Variants in ROBO2 observed in about 807,000 individuals in gnomAD.
ROBO2 encodes roundabout guidance receptor 2, also known as roundabout homolog 2.
A neutral mutation model predicts 160.8 loss-of-function variants in ROBO2; 53 were observed. The ratio of observed to expected loss-of-function variants is 0.33; its 90% CI spans 0.26 to 0.41. ROBO2 has a LOEUF of 0.41. Ranked by LOEUF, ROBO2 falls within the 10% of genes least tolerant of loss-of-function variation. The pLI is 1.00. For synonymous variants in ROBO2, 664 were observed against 611.7 expected, an observed-to-expected ratio of 1.09 and a Z score of -1.26; for missense variants, 1,577 against 1,722.4, an observed-to-expected ratio of 0.92 and a Z score of 1.49.
At chr3:77,584,551 A>C (rs927091616) in intron 16 of ROBO2, among the ~76,000 whole-genome samples, 1 of 152,304 alleles carries the variant, frequency 6.6e-6, no homozygotes, top group Non-Finnish European at 1.5e-5. Context: ...ACAAATAAGT[A>C]TTGTATATGG....
chr3:77,184,630 A>G (rs1383138948), intron 2 of ROBO2, among the ~76,000 whole-genome samples: 1 of 151,982 alleles, frequency 6.6e-6, no homozygotes, highest in Non-Finnish European at 1.5e-5. Context: ...TGGTGGGACA[A>G]TGTGAGCAAA....
chr3:76,689,579 C>T (rs894280760), intron 2 of ROBO2, among the ~76,000 whole-genome samples: 1 of 151,978 alleles, frequency 6.6e-6, no homozygotes, highest in African/African-American at 2.4e-5. Context: ...ACTTTTCCAC[C>T]TCTCCCATCC....
At chr3:77,088,927 TAGATATGTCTGTTA>T in intron 1 of ROBO2, among the ~76,000 whole-genome samples, 1 of 152,168 alleles carries the variant, frequency 6.6e-6, no homozygotes, top group East Asian at 1.9e-4. Flanking sequence ...TGCTTTCTTT[TAGATATGTCTGTTA>T]AGATATCATT....
chr3:76,046,126 C>A (rs963841408), intron 2 of ROBO2, among the ~76,000 whole-genome samples: 1 of 151,866 alleles, frequency 6.6e-6, no homozygotes, highest in South Asian at 2.1e-4. Context: ...GTGCTACATG[C>A]AATTTTGTTG....
At chr3:76,091,754 GAAAT>G (rs1003221832) in intron 2 of ROBO2, among the ~76,000 whole-genome samples, 9 of 152,132 alleles carry the variant, frequency 5.9e-5, no homozygotes, top group East Asian at 3.9e-4. Context: ...ATTTTGAAAA[GAAAT>G]AAACTATCAA....
At chr3:76,166,937 T>TTTTG (rs571803952) in intron 2 of ROBO2, among the ~76,000 whole-genome samples, 10 of 151,904 alleles carry the variant, frequency 6.6e-5, no homozygotes, top group African/African-American at 1.2e-4. Context: ...ACACTTGAGT[T>TTTTG]TTTGTTTGTT....
intron 2 of ROBO2, among the ~76,000 whole-genome samples, chr3:76,342,450 A>T (rs1404178153): frequency 6.6e-6 from 1 of 152,140 alleles, no homozygotes; most frequent in Admixed American, 6.6e-5. Flanking sequence ...ATGACTGCAC[A>T]GAGTGGGTGC....
At chr3:76,937,208 G>C (rs2077762763) in intron 2 of ROBO2, among the ~76,000 whole-genome samples, 1 of 152,088 alleles carries the variant, frequency 6.6e-6, no homozygotes, top group Non-Finnish European at 1.5e-5. Context: ...AGAAGGGCTA[G>C]GTCATTTTAC....
chr3:77,040,100 G>T, exon 1 of ROBO2: 1 of 815,266 alleles, frequency 1.2e-6, no homozygotes, highest in Non-Finnish European at 1.5e-6. Flanking sequence ...CCCTCACCAC[G>T]TAGGAGTTCG....
At chr3:76,398,560 A>T (rs1474569175) in intron 2 of ROBO2, among the ~76,000 whole-genome samples, 1 of 151,778 alleles carries the variant, frequency 6.6e-6, no homozygotes, top group Non-Finnish European at 1.5e-5. Flanking sequence ...ACCTAACCTT[A>T]CCAATTCAAT....
At chr3:76,769,274 G>A (rs2061746520) in intron 2 of ROBO2, among the ~76,000 whole-genome samples, 1 of 151,408 alleles carries the variant, frequency 6.6e-6, no homozygotes. Context: ...TTCAGATTAT[G>A]TGGGGATCTT....
chr3:76,216,054 C>G (rs1377291906), intron 2 of ROBO2, among the ~76,000 whole-genome samples: 2 of 152,126 alleles, frequency 1.3e-5, no homozygotes, highest in Non-Finnish European at 2.9e-5. Context: ...CATATCCAGC[C>G]AAACTAAGCT....
intron 2 of ROBO2, among the ~76,000 whole-genome samples, chr3:76,107,260 C>T (rs1206542625): frequency 6.6e-6 from 1 of 152,000 alleles, no homozygotes; most frequent in African/African-American, 2.4e-5. Context: ...TACTCAAGGT[C>T]GCATAGTAAA....
At chr3:77,184,070 A>G (rs533413701) in intron 2 of ROBO2, among the ~76,000 whole-genome samples, 9 of 152,180 alleles carry the variant, frequency 5.9e-5, no homozygotes, top group African/African-American at 1.7e-4. Flanking sequence ...AGCTCTGCTC[A>G]TTGAATGAAG....
chr3:76,037,711 C>A (rs539703658), intron 2 of ROBO2, among the ~76,000 whole-genome samples: 17 of 151,910 alleles, frequency 1.1e-4, no homozygotes, highest in Admixed American at 3.3e-4. Flanking sequence ...CACAGTCAAA[C>A]AGGAGAAAAA....
chr3:76,771,292 G>C (rs1185569828), intron 2 of ROBO2, among the ~76,000 whole-genome samples: 1 of 151,092 alleles, frequency 6.6e-6, no homozygotes, highest in East Asian at 2.0e-4. Context: ...GACTATATTG[G>C]GGTTAAGCAG....
At chr3:76,046,249 C>T (rs2067442843) in intron 2 of ROBO2, among the ~76,000 whole-genome samples, 1 of 151,950 alleles carries the variant, frequency 6.6e-6, no homozygotes, top group East Asian at 1.9e-4. Flanking sequence ...TTTTCAGACA[C>T]ATGGATAAGA....
At chr3:77,516,931 A>G (rs773774711) in intron 5 of ROBO2, among the ~76,000 whole-genome samples, 1 of 151,634 alleles carries the variant, frequency 6.6e-6, no homozygotes, top group African/African-American at 2.4e-5. Context: ...TGATATTTTC[A>G]ATAAGCATTC....
At chr3:76,978,608 A>C (rs2059924538) in intron 2 of ROBO2, among the ~76,000 whole-genome samples, 1 of 152,154 alleles carries the variant, frequency 6.6e-6, no homozygotes, top group African/African-American at 2.4e-5. Flanking sequence ...AAATGAAAGC[A>C]GTATTATAAA....
Sources: allele counts gnomAD v4.1 joint callset (sites outside exome capture counted in the v4.1 genomes callset), GRCh38; gene constraint gnomAD v4.1.1; transcripts MANE v1.5; gene names NCBI Gene and HGNC (gene_info 2026-07-23, HGNC 2026-07-21).